Variants in SMIM36 observed in about 807,000 individuals in gnomAD.
SMIM36 encodes small integral membrane protein 36.
chr17:55,469,583 G>A (rs1184576547), intron 3 of SMIM36, among the ~76,000 whole-genome samples: 1 of 152,148 alleles, frequency 6.6e-6, no homozygotes, highest in African/African-American at 2.4e-5. Context: ...TTGCCTTTAA[G>A]GTGTACAATA....
the SMIM36 span, among the ~76,000 whole-genome samples, chr17:55,520,458 C>A: frequency 6.6e-6 from 1 of 152,160 alleles, no homozygotes; most frequent in Non-Finnish European, 1.5e-5. Flanking sequence ...ATCCGAATTG[C>A]TGGCATCACT....
At chr17:55,475,628 T>C (rs996177568) in intron 3 of SMIM36, among the ~76,000 whole-genome samples, 2 of 152,202 alleles carry the variant, frequency 1.3e-5, no homozygotes, top group Non-Finnish European at 2.9e-5. Flanking sequence ...GCTTGGTATA[T>C]GACAACATAA....
At chr17:55,476,834 T>G (rs1391227396) in intron 3 of SMIM36, among the ~76,000 whole-genome samples, 3 of 152,222 alleles carry the variant, frequency 2.0e-5, no homozygotes, top group Non-Finnish European at 4.4e-5. Context: ...CCCAAAGTGC[T>G]GGGATTACAG....
chr17:55,465,077 G>A (rs1909213220), intron 4 of SMIM36, among the ~76,000 whole-genome samples: 1 of 152,160 alleles, frequency 6.6e-6, no homozygotes. Flanking sequence ...AGTGTACAGT[G>A]GGCAGCAAGA....
At position 55,474,756 on chromosome 17, in the gene SMIM36, A is replaced by G. The variant is rs181661355; in HGVS notation, c.*347+4006T>C. Among the ~76,000 whole-genome samples, 61 of 152,200 alleles carry G rather than the reference A, an allele frequency of 4.0e-4. No individual in the cohort carries two copies. The East Asian group carries it at 9.6e-3, about 24-fold the overall frequency. On this transcript the variant is annotated intron_variant, in intron 3 of 4. Transcript: ENST00000636752. ...TGTTTTGTGGTGTGCGTGTGGTGTAAGCATGGTGTTTTGTCTCAAGGAAAC... is the reference window on the plus strand; with the variant it reads ...TGTTTTGTGGTGTGCGTGTGGTGTAGGCATGGTGTTTTGTCTCAAGGAAAC...
intron 1 of SMIM36, among the ~76,000 whole-genome samples, chr17:55,491,142 C>T (rs933947299): frequency 1.3e-5 from 2 of 149,100 alleles, no homozygotes; most frequent in Non-Finnish European, 3.0e-5. Context: ...CTCGGGAGAC[C>T]GAAGTGGGAG....
chr17:55,476,017 G>A (rs532446028), intron 3 of SMIM36, among the ~76,000 whole-genome samples: 37 of 151,680 alleles, frequency 2.4e-4, no homozygotes, highest in Non-Finnish European at 4.0e-4. Flanking sequence ...AAAAATTTTC[G>A]CCACCCCAAC....
At chr17:55,509,271 C>T (rs989365451) in intron 1 of SMIM36, among the ~76,000 whole-genome samples, 16 of 152,198 alleles carry the variant, frequency 1.1e-4, no homozygotes, top group African/African-American at 3.6e-4. Flanking sequence ...TGGACACCAT[C>T]AGACCTTCAC....
intron 1 of SMIM36, among the ~76,000 whole-genome samples, chr17:55,492,242 C>CTTTTTTTTTTTTTTTTTTTTTTTTCT (rs770501215): frequency 3.6e-5 from 4 of 111,286 alleles, no homozygotes; most frequent in Non-Finnish European, 5.3e-5. Flanking sequence ...TTCTTTCTTT[C>CTTTTTTTTTTTTTTTTTTTTTTTTCT]TTTTTTTTTT....
chr17:55,518,235 A>G, the SMIM36 span, among the ~76,000 whole-genome samples: 12,875 of 152,206 alleles, frequency 0.085, 794 homozygotes, highest in East Asian at 0.23. Flanking sequence ...AGAGGGCTGA[A>G]TTTGTCATTT....
the SMIM36 span, among the ~76,000 whole-genome samples, chr17:55,530,365 C>T: frequency 3.9e-5 from 6 of 152,222 alleles, no homozygotes; most frequent in South Asian, 2.1e-4. Context: ...TTACACACTA[C>T]GCCCTATGGT....
intron 4 of SMIM36, among the ~76,000 whole-genome samples, chr17:55,461,908 C>T (rs910374276): frequency 1.1e-4 from 16 of 152,200 alleles, no homozygotes; most frequent in Non-Finnish European, 1.8e-4. Context: ...AGAATTCTTA[C>T]GGAAGAAGGC....
At chr17:55,454,434 C>T (rs1439698501) in intron 4 of SMIM36, among the ~76,000 whole-genome samples, 1 of 152,134 alleles carries the variant, frequency 6.6e-6, no homozygotes, top group Non-Finnish European at 1.5e-5. Flanking sequence ...TTAAAAAACT[C>T]ACAAAACGAA....
At chr17:55,459,905 G>T (rs1226619434) in intron 4 of SMIM36, among the ~76,000 whole-genome samples, 2 of 152,182 alleles carry the variant, frequency 1.3e-5, no homozygotes, top group African/African-American at 4.8e-5. Context: ...GCTAAGGCAG[G>T]GGGATTGTGC....
chr17:55,493,360 C>G (rs923850218), intron 1 of SMIM36, among the ~76,000 whole-genome samples: 3 of 152,196 alleles, frequency 2.0e-5, no homozygotes, highest in African/African-American at 7.2e-5. Context: ...ATTAGAACCC[C>G]ATAACCCCAG....
intron 1 of SMIM36, among the ~76,000 whole-genome samples, chr17:55,488,919 CATCATCATCATT>C (rs1328529618): frequency 1.2e-4 from 18 of 152,084 alleles, no homozygotes; most frequent in African/African-American, 3.9e-4. Flanking sequence ...TCATCATCAT[CATCATCATCATT>C]GCTAATATTT....
At chr17:55,515,637 G>A (rs1910262907), upstream of SMIM36, among the ~76,000 whole-genome samples, 1 of 152,134 alleles carries the variant, frequency 6.6e-6, no homozygotes, top group Admixed American at 6.5e-5. Flanking sequence ...AGATCGGAGC[G>A]AGACATCTTG....
intron 1 of SMIM36, among the ~76,000 whole-genome samples, chr17:55,488,668 T>A (rs1909650130): frequency 6.6e-6 from 1 of 152,230 alleles, no homozygotes; most frequent in African/African-American, 2.4e-5. Context: ...ATTAAACTAT[T>A]TTCATTTTTG....
chr17:55,474,830 A>C (rs1909402629), intron 3 of SMIM36, among the ~76,000 whole-genome samples: 1 of 152,100 alleles, frequency 6.6e-6, no homozygotes, highest in Non-Finnish European at 1.5e-5. Flanking sequence ...TATGTTGAAA[A>C]ATTTCGAAAA....
Sources: gnomAD v4.1 joint callset for allele counts (sites outside exome capture counted in the v4.1 genomes callset) on GRCh38, gnomAD v4.1.1 for gene constraint, MANE v1.5 for transcripts, NCBI Gene and HGNC (gene_info 2026-07-23, HGNC 2026-07-21) for gene names.